Variants in KCNH5 observed in about 807,000 individuals in gnomAD.
KCNH5 encodes potassium voltage-gated channel subfamily H member 5, also known as voltage-gated delayed rectifier potassium channel KCNH5.
In KCNH5, 46 loss-of-function variants were observed where a neutral mutation model predicts 96.1. The observed-to-expected ratio is 0.48, with a 90% CI of 0.38 to 0.61. KCNH5 has a LOEUF of 0.61. Ranked by LOEUF, KCNH5 falls within the 20% of genes least tolerant of loss-of-function variation. The pLI is 0.00. For missense variants in KCNH5, 907 were observed against 1,225.8 expected, an observed-to-expected ratio of 0.74 and a Z score of 3.88; for synonymous variants, 439 against 449.8, an observed-to-expected ratio of 0.98 and a Z score of 0.30.
intron 10 of KCNH5, among the ~76,000 whole-genome samples, chr14:62,721,376 T>C (rs1167059145): frequency 6.6e-6 from 1 of 152,222 alleles, no homozygotes; most frequent in Admixed American, 6.5e-5. Context: ...CTGATCTATT[T>C]ACAGTCAATT....
chr14:62,919,859 A>G (rs1390242222), intron 7 of KCNH5, among the ~76,000 whole-genome samples: 1 of 152,058 alleles, frequency 6.6e-6, no homozygotes, highest in Admixed American at 6.6e-5. Context: ...GTGTGATTAC[A>G]TTTAAATATA....
chr14:62,857,646 G>C (rs1435936374), intron 7 of KCNH5, among the ~76,000 whole-genome samples: 1 of 152,104 alleles, frequency 6.6e-6, no homozygotes, highest in Non-Finnish European at 1.5e-5. Context: ...AGGCTGGGAG[G>C]CTAGGCCAGT....
At position 62,754,893 on chromosome 14, in the gene KCNH5, A is replaced by T. The variant is rs1433293278; in HGVS notation, c.2019+24835T>A. Among the ~76,000 whole-genome samples, 5 of 146,874 alleles carry T rather than the reference A, an allele frequency of 3.4e-5. No homozygotes were observed. In the East Asian group the frequency reaches 9.8e-4, roughly 29 times the overall value. ...CTGTCTAAAAATAAAATAAAGTAAA[A>T]TAAAATAAAATAAAATAAAATAGAA... On this transcript the variant is annotated intron_variant, in intron 10 of 10. Coordinates refer to ENST00000322893, the MANE Select transcript of KCNH5 (RefSeq NM_139318.5).
intron 7 of KCNH5, among the ~76,000 whole-genome samples, chr14:62,862,081 C>A (rs1308038610): frequency 1.3e-5 from 2 of 152,160 alleles, no homozygotes; most frequent in Admixed American, 1.3e-4. Flanking sequence ...CAAGCCATTT[C>A]TCCAATCATA....
In KCNH5 at chr14:63,025,853, A is replaced by ATGTCTGT. The variant is rs1891514614; in HGVS notation, c.74-8900_74-8899insACAGACA. Among the ~76,000 whole-genome samples the ATGTCTGT allele has an allele frequency of 3.0e-5, 4 of 133,322 alleles. No individual in the cohort carries two copies. In the South Asian group the frequency reaches 8.8e-4, roughly 29 times the overall value. 87.5% of individuals were successfully genotyped at this position (133,322 alleles called of 152,430 possible). ...CCCCAAAGACATGTTTCACAGAAAC[A>ATGTCTGT]GAAAAAAAAAATCCTAAAGTTCATC... On this transcript the variant is annotated intron_variant, in intron 1 of 10. Coordinates refer to ENST00000322893, the MANE Select transcript of KCNH5 (RefSeq NM_139318.5).
intron 8 of KCNH5, among the ~76,000 whole-genome samples, chr14:62,829,611 G>A (rs1312164873): frequency 6.6e-6 from 1 of 152,192 alleles, no homozygotes; most frequent in Admixed American, 6.5e-5. Flanking sequence ...GGGATGCAGG[G>A]CACCATGTCC....
intron 10 of KCNH5, among the ~76,000 whole-genome samples, chr14:62,714,999 T>C (rs1884653320): frequency 1.3e-5 from 2 of 152,202 alleles, no homozygotes; most frequent in Admixed American, 1.3e-4. Context: ...GTTTATTTCA[T>C]TTAAGCTTTT....
chr14:62,725,134 T>C (rs1441794704), intron 10 of KCNH5, among the ~76,000 whole-genome samples: 1 of 152,238 alleles, frequency 6.6e-6, no homozygotes, highest in Admixed American at 6.5e-5. Context: ...AAAACACATA[T>C]GTATCTGTGA....
intron 10 of KCNH5, among the ~76,000 whole-genome samples, chr14:62,764,586 T>C (rs911228849): frequency 7.2e-5 from 11 of 152,192 alleles, no homozygotes; most frequent in Admixed American, 6.5e-5. Context: ...AAACTATCTC[T>C]TCCTAGATTA....
chr14:62,878,415 T>C (rs1454014604), intron 7 of KCNH5, among the ~76,000 whole-genome samples: 1 of 151,904 alleles, frequency 6.6e-6, no homozygotes, highest in Non-Finnish European at 1.5e-5. Context: ...GGAGTAAAAA[T>C]TATCTCTAAA....
chr14:62,870,296 CTT>C (rs1351870944), intron 7 of KCNH5, among the ~76,000 whole-genome samples: 1 of 152,094 alleles, frequency 6.6e-6, no homozygotes, highest in African/African-American at 2.4e-5. Context: ...TTTTTGACTG[CTT>C]GGAGCAATCA....
chr14:62,741,925 A>T (rs964445863), intron 10 of KCNH5, among the ~76,000 whole-genome samples: 13 of 152,180 alleles, frequency 8.5e-5, no homozygotes, highest in African/African-American at 2.9e-4. Context: ...ATAAGAAAAG[A>T]TTACTGGTAT....
intron 1 of KCNH5, among the ~76,000 whole-genome samples, chr14:63,029,808 G>A (rs1216296931): frequency 6.6e-6 from 1 of 151,762 alleles, no homozygotes; most frequent in East Asian, 1.9e-4. Context: ...TATAACTGTT[G>A]CATTTCCCTG....
intron 6 of KCNH5, among the ~76,000 whole-genome samples, chr14:62,955,457 T>C (rs753004585): frequency 2.6e-5 from 4 of 152,206 alleles, no homozygotes; most frequent in Non-Finnish European, 5.9e-5. Context: ...AACAATCCTA[T>C]GTGGTACCTA....
chr14:62,714,211 C>T (rs761975411), intron 10 of KCNH5, among the ~76,000 whole-genome samples: 2 of 152,026 alleles, frequency 1.3e-5, no homozygotes, highest in African/African-American at 2.4e-5. Flanking sequence ...ATCACCTGAG[C>T]TCAGGAATCT....
At chr14:62,810,348 T>A (rs1289791912) in intron 8 of KCNH5, among the ~76,000 whole-genome samples, 1 of 152,000 alleles carries the variant, frequency 6.6e-6, no homozygotes, top group Admixed American at 6.6e-5. Context: ...CCCTTATGAT[T>A]AAGGGTTCTC....
In KCNH5 at chr14:62,708,218, C is replaced by T. The variant is rs576506235; in HGVS notation, c.2257G>A (p.Val753Met). ...ATGGGAGTAATCTGTGACACAGTCA[C>T]CACGCTGGTTCCGGTGATGGAGGCT... ...NGASITGTSVVTVSQITPIQT... is the reference protein window; with the variant it reads ...NGASITGTSVMTVSQITPIQT... Residue 753 changes from valine to methionine, a missense_variant, in exon 11 of 11, where the codon GTG (valine) becomes ATG (methionine). By Grantham distance (21) the Val-to-Met change is conservative. Coordinates refer to ENST00000322893, the MANE Select transcript of KCNH5 (RefSeq NM_139318.5). The T allele has an allele frequency of 1.2e-6, 2 of 1,614,092 alleles. No individual in the cohort carries two copies. Among genetic ancestry groups the T allele is most frequent in the Middle Eastern group, 1.6e-4 (1 of 6,084 alleles).
intron 4 of KCNH5, among the ~76,000 whole-genome samples, chr14:62,993,554 T>C (rs1414527743): frequency 6.6e-6 from 1 of 152,048 alleles, no homozygotes; most frequent in African/African-American, 2.4e-5. Flanking sequence ...TACGTTTCAA[T>C]CATGTACTTT....
intron 9 of KCNH5, among the ~76,000 whole-genome samples, chr14:62,788,706 C>T (rs867984910): frequency 5.9e-5 from 9 of 152,126 alleles, no homozygotes; most frequent in Admixed American, 3.9e-4. Context: ...CTGTATCTGT[C>T]AACATCAAGG....
Sources: gnomAD v4.1 joint callset for allele counts (sites outside exome capture counted in the v4.1 genomes callset) on GRCh38, gnomAD v4.1.1 for gene constraint, MANE v1.5 for transcripts, NCBI Gene and HGNC (gene_info 2026-07-23, HGNC 2026-07-21) for gene names.